MDFI: variants seen among roughly 807,000 people sequenced by gnomAD.
MDFI encodes the protein MyoD family inhibitor, also known as inhibitor of MyoD family a.
In MDFI, 16 loss-of-function variants were observed where a neutral mutation model predicts 22.3. The observed-to-expected ratio is 0.72, with a 90% CI of 0.49 to 1.09. The LOEUF is 1.09. Among genes scored for constraint, MDFI ranks in the 50% least tolerant of loss-of-function variants. The probability of loss-of-function intolerance (pLI) is 0.00; values close to 1 mark genes in which losing one functional copy is unlikely to be tolerated. For missense variants in MDFI, 314 were observed against 326.1 expected (o/e 0.96, Z 0.29); for synonymous variants, 145 against 142.7 (o/e 1.02, Z -0.12).
At chr6:41,639,652 C>G (rs1044100869) in intron 2 of MDFI, 26 of 985,322 alleles carry the variant, frequency 2.6e-5, no homozygotes, top group African/African-American at 3.5e-5. Context: ...TGTTCAGGGC[C>G]AGGGGAACCG....
chr6:41,649,446 T>C (rs755448590), intron 3 of MDFI, among the ~76,000 whole-genome samples, 173 bp from the exon 4 acceptor site: 4 of 152,222 alleles, frequency 2.6e-5, no homozygotes, highest in Non-Finnish European at 5.9e-5. Flanking sequence ...ATGGCGTGGC[T>C]CTGGACTAGT....
At position 41,649,900 on chromosome 6, in the gene MDFI, G is replaced by A. The variant is rs1292127668; in HGVS notation, c.484+57G>A. On this transcript the variant is annotated intron_variant, in intron 4 of 4. Coordinates refer to ENST00000230321, the MANE Select transcript of MDFI (RefSeq NM_005586.4). ...GGCCTCCAAAGCCGGGTTCCTCGAAGCATGACGCATGGGCCCACTGGAGCA... is the reference window on the plus strand; with the variant it reads ...GGCCTCCAAAGCCGGGTTCCTCGAAACATGACGCATGGGCCCACTGGAGCA... 18 of 1,486,770 alleles carry A rather than the reference G, an allele frequency of 1.2e-5. No homozygotes were observed. The Middle Eastern group carries it at 5.3e-4, about 43-fold the overall frequency. 92.1% of individuals were successfully genotyped at this position (1,486,770 alleles called of 1,614,324 possible).
intron 4 of MDFI, among the ~76,000 whole-genome samples, chr6:41,650,381 A>T (rs376947359): frequency 4.0e-4 from 61 of 152,294 alleles, no homozygotes; most frequent in African/African-American, 1.4e-3. Context: ...TCCCCTCCTC[A>T]TCAGCCATCA....
At chr6:41,650,107 A>G in intron 4 of MDFI, 2 of 398,176 alleles carry the variant, frequency 5.0e-6, no homozygotes, top group Non-Finnish European at 8.6e-6. Context: ...CCACCTCCCC[A>G]CCCCACCCCA....
intron 2 of MDFI, chr6:41,639,865 C>G: frequency 1.0e-6 from 1 of 985,332 alleles, no homozygotes; most frequent in Non-Finnish European, 1.2e-6. Context: ...CATGCGCCCT[C>G]GAAGCCGGCC....
chr6:41,645,007 C>T (rs1305708788), intron 2 of MDFI, among the ~76,000 whole-genome samples: 1 of 151,980 alleles, frequency 6.6e-6, no homozygotes, highest in Non-Finnish European at 1.5e-5. Flanking sequence ...CTGCCTCTCC[C>T]TGCGCTCTTT....
At chr6:41,650,987 C>T (rs1768250628) in intron 4 of MDFI, among the ~76,000 whole-genome samples, 1 of 152,034 alleles carries the variant, frequency 6.6e-6, no homozygotes, top group Admixed American at 6.5e-5. Flanking sequence ...AGGTGGATCA[C>T]CTGAGGTCAG....
intron 3 of MDFI, among the ~76,000 whole-genome samples, chr6:41,647,664 C>G (rs1381763138): frequency 6.6e-6 from 1 of 152,062 alleles, no homozygotes; most frequent in Non-Finnish European, 1.5e-5. Context: ...ACTCCACTTC[C>G]CAGCTAGAGG....
At chr6:41,648,175 C>T (rs990491411) in intron 3 of MDFI, among the ~76,000 whole-genome samples, 2 of 152,130 alleles carry the variant, frequency 1.3e-5, no homozygotes, top group Non-Finnish European at 2.9e-5. Flanking sequence ...CGCTTGTCTC[C>T]CAGCCTCTGC....
chr6:41,653,915 A>G lies in MDFI; in HGVS notation c.*340A>G. The G allele has an allele frequency of 5.4e-6, 2 of 367,172 alleles. No individual in the cohort carries two copies. Among genetic ancestry groups the G allele is most frequent in the Non-Finnish European group, 1.0e-5 (2 of 198,776 alleles). 22.7% of individuals were successfully genotyped at this position (367,172 alleles called of 1,614,324 possible). A position where few individuals can be genotyped will look rare whatever the true frequency, so the allele number is the denominator to read the frequency against. On this transcript the variant is annotated 3_prime_UTR_variant, in exon 5 of 5. Transcript: ENST00000230321. The surrounding 1 kb of genome is among the most constrained non-coding windows in gnomAD (Gnocchi z 4.2). The stretch of plus-strand genomic sequence containing the variant: ...GCAGCCAGGGCTGGGGAACACTGTG[A>G]AAGTTACTTGGGGAGGGTGGGCCGG...
chr6:41,644,468 G>C (rs149449674), intron 2 of MDFI, among the ~76,000 whole-genome samples: 2 of 152,258 alleles, frequency 1.3e-5, no homozygotes, highest in African/African-American at 2.4e-5. Context: ...CTTCCCACAT[G>C]GGGCCTCTGG....
intron 3 of MDFI, among the ~76,000 whole-genome samples, chr6:41,647,518 T>C (rs1768095172): frequency 6.6e-6 from 1 of 152,176 alleles, no homozygotes; most frequent in African/African-American, 2.4e-5. Flanking sequence ...TAACCCTGTT[T>C]ATCCAGATGC....
At position 41,653,639 on chromosome 6, in the gene MDFI, G is replaced by T; in HGVS notation, c.*64G>T. 1 of 1,582,404 alleles carries T rather than the reference G, an allele frequency of 6.3e-7. No homozygotes were observed. Among genetic ancestry groups the T allele is most frequent in the Non-Finnish European group, 8.6e-7 (1 of 1,169,086 alleles). ...GATTCCAGCAGGGTCCCTCTGAGTG[G>T]GGCCAGGCCCAGGACTGTCACACAA... is the stretch of plus-strand genomic sequence containing the variant. On this transcript the variant is annotated 3_prime_UTR_variant, in exon 5 of 5. Coordinates refer to ENST00000230321, the MANE Select transcript of MDFI (RefSeq NM_005586.4). The surrounding 1 kb of genome is among the most constrained non-coding windows in gnomAD (Gnocchi z 4.2).
In MDFI at chr6:41,653,666, G is replaced by A; in HGVS notation, c.*91G>A. 1 of 1,508,436 alleles carries A rather than the reference G, an allele frequency of 6.6e-7. No homozygotes were observed. Among genetic ancestry groups the A allele is most frequent in the South Asian group, 1.2e-5 (1 of 82,054 alleles). 93.4% of individuals were successfully genotyped at this position (1,508,436 alleles called of 1,614,324 possible). A position where few individuals can be genotyped will look rare whatever the true frequency, so the allele number is the denominator to read the frequency against. On this transcript the variant is annotated 3_prime_UTR_variant, in exon 5 of 5. Transcript: ENST00000230321. The surrounding 1 kb of genome is among the most constrained non-coding windows in gnomAD (Gnocchi z 4.2). ...GCCAGGCCCAGGACTGTCACACAAG[G>A]CTTGAGAAGCCCCCTCTCCCTGGTC...
chr6:41,645,428 G>C (rs189001511), intron 2 of MDFI, among the ~76,000 whole-genome samples: 1 of 151,952 alleles, frequency 6.6e-6, no homozygotes, highest in Non-Finnish European at 1.5e-5. Flanking sequence ...CCAGTGCTCC[G>C]GCCGGCTCCT....
chr6:41,652,762 G>A (rs530652851), intron 4 of MDFI, among the ~76,000 whole-genome samples: 9 of 152,070 alleles, frequency 5.9e-5, no homozygotes, highest in East Asian at 3.9e-4. Context: ...GATTATAGGC[G>A]TGTGCCACCA....
rs755841137 is a variant in MDFI at position 41,653,626 on chromosome 6, G to A, written c.*51G>A. The A allele has an allele frequency of 6.3e-7, 1 of 1,591,066 alleles. No homozygotes were observed. Among genetic ancestry groups the A allele is most frequent in the Non-Finnish European group, 8.5e-7 (1 of 1,174,446 alleles). On this transcript the variant is annotated 3_prime_UTR_variant, in exon 5 of 5. Coordinates refer to ENST00000230321, the MANE Select transcript of MDFI (RefSeq NM_005586.4). The surrounding 1 kb of genome is among the most constrained non-coding windows in gnomAD (Gnocchi z 4.2). ...TGGCGCCCCTGCAGATTCCAGCAGGGTCCCTCTGAGTGGGGCCAGGCCCAG... is the reference window on the plus strand; with the variant it reads ...TGGCGCCCCTGCAGATTCCAGCAGGATCCCTCTGAGTGGGGCCAGGCCCAG...
chr6:41,638,859 G>A lies in MDFI; in HGVS notation c.76+34G>A, dbSNP rs1302884811. On this transcript the variant is annotated intron_variant, in intron 2 of 4. Transcript: ENST00000230321. The surrounding 1 kb of genome is among the most constrained non-coding windows in gnomAD (Gnocchi z 7.6). ...GGGAGTGGCGAGCGAAGCTGGACAG[G>A]GGCGGGTGGGCGGCTGAAGGGGCCA... The A allele has an allele frequency of 3.3e-6, 5 of 1,524,264 alleles. No homozygotes were observed. The highest frequency in any genetic ancestry group is 4.4e-6 in the Non-Finnish European group (5 of 1,140,028). The allele number at this position is 1,524,264 out of a possible 1,614,324, so 94.4% of individuals were successfully genotyped here.
chr6:41,642,642 G>A (rs1248759862), intron 2 of MDFI, among the ~76,000 whole-genome samples: 2 of 152,068 alleles, frequency 1.3e-5, no homozygotes, highest in African/African-American at 2.4e-5. Flanking sequence ...TCTGCCCTCC[G>A]TGCTGGTTTG....
Sources: gnomAD v4.1 joint callset for allele counts (sites outside exome capture counted in the v4.1 genomes callset) on GRCh38, gnomAD v4.1.1 for gene constraint, Gnocchi (gnomAD v3.1) non-coding constraint, MANE v1.5 for transcripts, NCBI Gene and HGNC (gene_info 2026-07-23, HGNC 2026-07-21) for gene names.